TMED8: variants seen among roughly 807,000 people sequenced by gnomAD.
TMED8 encodes the protein protein TMED8.
In TMED8, 15 loss-of-function variants were observed where a neutral mutation model predicts 32.7. The ratio of observed to expected loss-of-function variants is 0.46; its 90% CI spans 0.31 to 0.71. The LOEUF is 0.71. TMED8 is among the 30% of genes least tolerant of loss of function. TMED8 has a pLI of 0.06. For synonymous variants in TMED8, 147 were observed against 161.4 expected, an observed-to-expected ratio of 0.91 and a Z score of 0.68; for missense variants, 390 against 423.9, an observed-to-expected ratio of 0.92 and a Z score of 0.70.
rs769891106 is a variant in TMED8, at chr14:77,343,831, A to G, written c.328-8T>C. The G allele has an allele frequency of 6.2e-7, 1 of 1,611,980 alleles. No homozygotes were observed. The highest frequency in any genetic ancestry group is 8.5e-7 in the Non-Finnish European group (1 of 1,178,782). ...AACTTGATACTTAGCCATCTGCACA[A>G]CAGAACTCTGGTTAAAGGAGTATTC... On this transcript the variant is annotated splice_polypyrimidine_tract_variant and splice_region_variant and intron_variant, in intron 3 of 5. Transcript: ENST00000216468.
intron 5 of TMED8, among the ~76,000 whole-genome samples, chr14:77,342,207 T>C (rs1892920605): frequency 1.3e-5 from 2 of 152,184 alleles, no homozygotes; most frequent in Admixed American, 6.5e-5. Context: ...ATCAGGATAG[T>C]ACCTACACAA....
At chr14:77,362,570 G>A (rs774068418) in intron 1 of TMED8, among the ~76,000 whole-genome samples, 4 of 151,732 alleles carry the variant, frequency 2.6e-5, no homozygotes, top group African/African-American at 4.8e-5. Flanking sequence ...AAGGAACAAG[G>A]GCTCTACAAA....
chr14:77,367,286 T>C (rs1893575827), intron 1 of TMED8, among the ~76,000 whole-genome samples: 1 of 150,840 alleles, frequency 6.6e-6, no homozygotes, highest in Non-Finnish European at 1.5e-5. Context: ...ATCTTTTCTA[T>C]TGTGAAATAT....
rs147339432 is a variant in TMED8 at position 77,376,293 on chromosome 14, T to C, written c.118+643A>G. Among the ~76,000 whole-genome samples the C allele has an allele frequency of 1.8e-3, 267 of 152,338 alleles. No individual in the cohort carries two copies. The highest frequency in any genetic ancestry group is 6.1e-3 in the African/African-American group (253 of 41,576). On this transcript the variant is annotated intron_variant, in intron 1 of 5. Transcript: ENST00000216468. This position sits in a 1 kb window ranked among gnomAD's most constrained non-coding sequence, Gnocchi z 4.0. Reference sequence around the variant, plus strand: ...GAGGGAGGTAGGCCAAATTTTTAATTCCTGCTCTTGCTTTGGCTACTGTGT... The same window carrying C: ...GAGGGAGGTAGGCCAAATTTTTAATCCCTGCTCTTGCTTTGGCTACTGTGT...
At chr14:77,360,347 T>TCAC (rs752875465) in intron 1 of TMED8, among the ~76,000 whole-genome samples, 2 of 151,938 alleles carry the variant, frequency 1.3e-5, no homozygotes, top group African/African-American at 2.4e-5. Flanking sequence ...TCCTCTACCA[T>TCAC]CACCACCACC....
rs1893812117 is a variant in TMED8 at position 77,376,256 on chromosome 14, G to T, written c.118+680C>A. Among the ~76,000 whole-genome samples, 2 of 152,182 alleles carry T rather than the reference G, an allele frequency of 1.3e-5. No homozygotes were observed. The highest frequency in any genetic ancestry group is 2.9e-5 in the Non-Finnish European group (2 of 68,020). On this transcript the variant is annotated intron_variant, in intron 1 of 5. Coordinates refer to ENST00000216468, the MANE Select transcript of TMED8 (RefSeq NM_213601.3). This position sits in a 1 kb window ranked among gnomAD's most constrained non-coding sequence, Gnocchi z 4.0. ...TCGTCCTGGACAAGAAGAGGATGAG[G>T]GTCTTGAGAATGAGGGAGGTAGGCC... is the stretch of plus-strand genomic sequence containing the variant.
At chr14:77,346,760 G>GTTTTTTTTTTGT (rs1893047393) in intron 2 of TMED8, among the ~76,000 whole-genome samples, 1 of 69,442 alleles carries the variant, frequency 1.4e-5, no homozygotes, top group African/African-American at 5.3e-5. Flanking sequence ...TGCTGGTCTG[G>GTTTTTTTTTTGT]TTTTTTTTTT....
At chr14:77,357,872 C>A (rs1823399076) in intron 1 of TMED8, among the ~76,000 whole-genome samples, 1 of 151,994 alleles carries the variant, frequency 6.6e-6, no homozygotes, top group African/African-American at 2.4e-5. Flanking sequence ...ACCTGTAATC[C>A]CAACACTTTG....
chr14:77,365,886 G>C (rs970859328), intron 1 of TMED8, among the ~76,000 whole-genome samples: 5 of 152,088 alleles, frequency 3.3e-5, no homozygotes, highest in African/African-American at 1.2e-4. Context: ...TGGATTTTAC[G>C]AGATCAGATA....
Position 77,343,715 on chromosome 14 carries a change from G to A in TMED8, c.436C>T (p.Leu146=). Residue 146 remains leucine (L), a synonymous_variant, in exon 4 of 6, where the codon CTG becomes TTG. Coordinates refer to ENST00000216468, the MANE Select transcript of TMED8 (RefSeq NM_213601.3). ...LSADLESADL[L]GDHRKVSPPL... ...GTCTCACCTTTCCTGTGGTCCCCCA[G>A]AAGATCTGCAGATTCCAAATCAGCT... 1.9e-6 allele frequency: 3 copies of A among 1,614,162 alleles called. No homozygotes were observed. Among genetic ancestry groups the A allele is most frequent in the Middle Eastern group, 1.6e-4 (1 of 6,062 alleles).
chr14:77,370,347 G>A (rs955609706), intron 1 of TMED8, among the ~76,000 whole-genome samples: 3 of 152,244 alleles, frequency 2.0e-5, no homozygotes, highest in Admixed American at 1.3e-4. Context: ...ATGAAAGACA[G>A]TAGTGGATTT....
chr14:77,376,990 C>A lies in TMED8; in HGVS notation c.64G>T (p.Ala22Ser). ...CCCTGGCAGTCCCCGACGCCGCCAG[C>A]CGACCCTGGGCGGGCTGTGGGGCTC... Reference protein sequence around the residue: ...SWSPTARPGSAGGVGDCQGVE... With the variant: ...SWSPTARPGSSGGVGDCQGVE... Residue 22 changes from alanine to serine, a missense_variant, in exon 1 of 6, where the codon GCT (alanine) becomes TCT (serine). By Grantham distance (99) the Ala-to-Ser change is moderately conservative. Coordinates refer to ENST00000216468, the MANE Select transcript of TMED8 (RefSeq NM_213601.3). This position sits in a 1 kb window ranked among gnomAD's most constrained non-coding sequence, Gnocchi z 4.0. 6.9e-7 allele frequency: 1 copy of A among 1,444,912 alleles called. No homozygotes were observed. The highest frequency in any genetic ancestry group is 9.0e-7 in the Non-Finnish European group (1 of 1,107,140). 89.5% of individuals were successfully genotyped at this position (1,444,912 alleles called of 1,614,324 possible). A position where few individuals can be genotyped will look rare whatever the true frequency, so the allele number is the denominator to read the frequency against.
chr14:77,346,760 G>GTTTTGTTT (rs1893047195), intron 2 of TMED8, among the ~76,000 whole-genome samples: 1 of 69,442 alleles, frequency 1.4e-5, no homozygotes, highest in Non-Finnish European at 2.6e-5. Context: ...TGCTGGTCTG[G>GTTTTGTTT]TTTTTTTTTT....
At position 77,341,432 on chromosome 14, in the gene TMED8, T is replaced by G. The variant is rs1892895752; in HGVS notation, c.*339A>C. The G allele has an allele frequency of 3.3e-6, 1 of 303,294 alleles. No individual in the cohort carries two copies. The highest frequency in any genetic ancestry group is 6.4e-6 in the Non-Finnish European group (1 of 157,292). 18.8% of individuals were successfully genotyped at this position (303,294 alleles called of 1,614,324 possible). A position where few individuals can be genotyped will look rare whatever the true frequency, so the allele number is the denominator to read the frequency against. ...TGTGGGAGAGGAGAGGGCAGCAATC[T>G]GAATGATAAACCTGTGCCAAGATGA... On this transcript the variant is annotated 3_prime_UTR_variant, in exon 6 of 6. Coordinates refer to ENST00000216468, the MANE Select transcript of TMED8 (RefSeq NM_213601.3).
At chr14:77,353,238 C>T (rs970572387) in intron 1 of TMED8, among the ~76,000 whole-genome samples, 7 of 152,172 alleles carry the variant, frequency 4.6e-5, no homozygotes, top group African/African-American at 1.7e-4. Context: ...ATTAAACTCC[C>T]TCTGTGTAAG....
rs1486151327 is a variant in TMED8, at chr14:77,369,594, A to T, written c.118+7342T>A. Reference sequence around the variant, plus strand: ...CATGACCTTGTCACTCAGCTTCCCCACTCAGGAATCCAGCATGTACCCTCA... The same window carrying T: ...CATGACCTTGTCACTCAGCTTCCCCTCTCAGGAATCCAGCATGTACCCTCA... On this transcript the variant is annotated intron_variant, in intron 1 of 5. Coordinates refer to ENST00000216468, the MANE Select transcript of TMED8 (RefSeq NM_213601.3). 2.0e-5 allele frequency among the ~76,000 whole-genome samples: 3 copies of T among 152,104 alleles called. No homozygotes were observed. In the East Asian group the frequency reaches 5.8e-4, roughly 29 times the overall value.
chr14:77,372,907 TATATATATATATA>T (rs1228778334), intron 1 of TMED8, among the ~76,000 whole-genome samples: 2,535 of 41,722 alleles, frequency 0.061, 155 homozygotes, highest in South Asian at 0.088. Context: ...CCACAGATAT[TATATATATATATA>T]TATATATATA....
chr14:77,374,199 T>C (rs1291208744), intron 1 of TMED8, among the ~76,000 whole-genome samples: 2 of 152,244 alleles, frequency 1.3e-5, no homozygotes, highest in Non-Finnish European at 2.9e-5. Context: ...TATTGCTTAC[T>C]CATTGTATCA....
chr14:77,346,361 C>G lies in TMED8; in HGVS notation c.315G>C (p.Gln105His). The G allele has an allele frequency of 6.2e-7, 1 of 1,614,116 alleles. No individual in the cohort carries two copies. The highest frequency in any genetic ancestry group is 8.5e-7 in the Non-Finnish European group (1 of 1,180,000). Residue 105 changes from glutamine (Q) to histidine (H), a missense_variant, in exon 3 of 6, where the codon CAG becomes CAC. Gln to His is a conservative substitution (Grantham distance 24). Transcript: ENST00000216468. Reference protein sequence around the residue: ...KQDLLPADQAQVLNEMAKYQV... With the variant: ...KQDLLPADQAHVLNEMAKYQV... Reference sequence around the variant, plus strand: ...ATCTGCCCCCTACCTCATTGAGGACCTGGGCCTGGTCTGCAGGCAGCAAAT... The same window carrying G: ...ATCTGCCCCCTACCTCATTGAGGACGTGGGCCTGGTCTGCAGGCAGCAAAT...
Sources: allele counts gnomAD v4.1 joint callset (sites outside exome capture counted in the v4.1 genomes callset), GRCh38; gene constraint gnomAD v4.1.1; non-coding constraint Gnocchi (gnomAD v3.1); transcripts MANE v1.5; gene names NCBI Gene and HGNC (gene_info 2026-07-23, HGNC 2026-07-21).